The following PTPRM variants were observed in gnomAD, a reference collection of about 807,000 sequenced individuals.
PTPRM encodes receptor-type tyrosine-protein phosphatase mu.
PTPRM carries 47 observed loss-of-function variants against 186.7 expected under a neutral mutation model. The observed-to-expected ratio is 0.25, with a 90% confidence interval of 0.20 to 0.32. The LOEUF is 0.32. Among genes scored for constraint, PTPRM ranks in the 10% least tolerant of loss-of-function variants. The probability of loss-of-function intolerance (pLI) is 1.00; values close to 1 mark genes in which losing one functional copy is unlikely to be tolerated. For synonymous variants in PTPRM, 668 were observed against 674.9 expected (o/e 0.99, Z 0.16); for missense variants, 1,494 against 1,865.0 (o/e 0.80, Z 3.66).
At chr18:7,993,645 A>T (rs1393597558) in intron 7 of PTPRM, among the ~76,000 whole-genome samples, 1 of 152,132 alleles carries the variant, frequency 6.6e-6, no homozygotes, top group Non-Finnish European at 1.5e-5. Flanking sequence ...TTCAGAACGT[A>T]AGGAGATATA....
intron 5 of PTPRM, among the ~76,000 whole-genome samples, chr18:7,935,397 C>T (rs1186115552): frequency 6.6e-6 from 1 of 151,346 alleles, no homozygotes; most frequent in Non-Finnish European, 1.5e-5. Context: ...TATGTTTTAA[C>T]TTAATATGAT....
At chr18:7,976,620 A>G (rs1239974054) in intron 7 of PTPRM, among the ~76,000 whole-genome samples, 1 of 152,186 alleles carries the variant, frequency 6.6e-6, no homozygotes, top group African/African-American at 2.4e-5. Context: ...TTATGAAAAA[A>G]AAAGAGCCTC....
intron 2 of PTPRM, among the ~76,000 whole-genome samples, chr18:7,880,138 G>A (rs1325189118): frequency 6.6e-6 from 1 of 152,098 alleles, no homozygotes; most frequent in Admixed American, 6.5e-5. Context: ...AACTCCCACT[G>A]GGACCCTCCC....
At chr18:8,331,794 G>A (rs2095413493) in intron 22 of PTPRM, among the ~76,000 whole-genome samples, 2 of 152,178 alleles carry the variant, frequency 1.3e-5, no homozygotes, top group South Asian at 2.1e-4. Context: ...CTGTTAAACT[G>A]TAGACAAACA....
intron 1 of PTPRM, among the ~76,000 whole-genome samples, chr18:7,609,219 G>T (rs1209098417): frequency 6.6e-6 from 1 of 152,112 alleles, no homozygotes; most frequent in Admixed American, 6.5e-5. Flanking sequence ...CTGAGATTTG[G>T]GTCTTCTCAC....
intron 14 of PTPRM, among the ~76,000 whole-genome samples, chr18:8,198,159 G>T (rs1174090265): frequency 6.6e-6 from 1 of 152,056 alleles, no homozygotes; most frequent in Admixed American, 6.5e-5. Flanking sequence ...CCTTTTCTTT[G>T]TTGTTAGACA....
intron 1 of PTPRM, among the ~76,000 whole-genome samples, chr18:7,577,638 AG>A: frequency 6.6e-6 from 1 of 152,348 alleles, no homozygotes; most frequent in Non-Finnish European, 1.5e-5. Context: ...CTTAATAAAA[AG>A]AGGCTACTTT....
At chr18:7,681,295 T>C (rs73939336) in intron 1 of PTPRM, among the ~76,000 whole-genome samples, 3,003 of 152,286 alleles carry the variant, frequency 0.02, 95 homozygotes, top group African/African-American at 0.068. Flanking sequence ...GAGAAGGTAC[T>C]GATGTTATCC....
intron 1 of PTPRM, among the ~76,000 whole-genome samples, chr18:7,587,095 A>G (rs762806026): frequency 2.6e-5 from 4 of 152,154 alleles, no homozygotes; most frequent in Non-Finnish European, 5.9e-5. Flanking sequence ...TTTTAATTCT[A>G]TATTTAATTT....
chr18:8,355,608 A>G (rs1045721032), intron 23 of PTPRM, among the ~76,000 whole-genome samples: 3 of 152,314 alleles, frequency 2.0e-5, no homozygotes. Flanking sequence ...GACAGAGTGG[A>G]TCATCCAAAG....
chr18:8,379,131 C>G, intron 27 of PTPRM, 36 bp from the exon 28 acceptor site: 1 of 1,532,612 alleles, frequency 6.5e-7, no homozygotes, highest in Non-Finnish European at 8.8e-7. Flanking sequence ...GCTGCCAAGG[C>G]TTCTTGTCCT....
At chr18:8,197,193 A>G (rs567969166) in intron 14 of PTPRM, among the ~76,000 whole-genome samples, 8 of 152,188 alleles carry the variant, frequency 5.3e-5, no homozygotes, top group East Asian at 3.8e-4. Flanking sequence ...CGTTAGGCCA[A>G]TGTTCTATGT....
chr18:7,952,652 C>T (rs1309479450), intron 6 of PTPRM, among the ~76,000 whole-genome samples: 2 of 145,490 alleles, frequency 1.4e-5, no homozygotes, highest in Admixed American at 1.4e-4. Flanking sequence ...GCCAAGATGG[C>T]GACACTGCAC....
At chr18:8,262,702 T>G (rs2094646689) in intron 19 of PTPRM, among the ~76,000 whole-genome samples, 1 of 152,208 alleles carries the variant, frequency 6.6e-6, no homozygotes, top group East Asian at 1.9e-4. Context: ...GTAGGCAATA[T>G]ATTAACTGAT....
chr18:8,322,048 A>C (rs953360431), intron 22 of PTPRM, among the ~76,000 whole-genome samples: 2 of 152,188 alleles, frequency 1.3e-5, no homozygotes, highest in Non-Finnish European at 2.9e-5. Flanking sequence ...GAAGACCAAC[A>C]GGCAGATGCA....
At chr18:7,806,751 C>T (rs868228339) in intron 2 of PTPRM, among the ~76,000 whole-genome samples, 22 of 152,016 alleles carry the variant, frequency 1.4e-4, no homozygotes, top group African/African-American at 4.8e-4. Context: ...ATTTTAGTTG[C>T]CTTTGTAATG....
At chr18:7,894,236 C>A (rs1360348855) in intron 3 of PTPRM, among the ~76,000 whole-genome samples, 1 of 152,120 alleles carries the variant, frequency 6.6e-6, no homozygotes, top group African/African-American at 2.4e-5. Flanking sequence ...TCTGTACTGG[C>A]CTGAAAATGT....
intron 7 of PTPRM, among the ~76,000 whole-genome samples, chr18:7,974,464 C>T (rs900379034): frequency 3.9e-5 from 6 of 152,162 alleles, no homozygotes; most frequent in Admixed American, 6.5e-5. Context: ...CAGACAGGAG[C>T]ATCACAAATA....
At chr18:8,289,551 CATATATATACACAT>C (rs2095010731) in intron 19 of PTPRM, among the ~76,000 whole-genome samples, 23 of 77,696 alleles carry the variant, frequency 3.0e-4, no homozygotes, top group South Asian at 1.4e-3. Context: ...TATATATATA[CATATATATACACAT>C]ATATATATAT....
Sources: allele counts gnomAD v4.1 joint callset (sites outside exome capture counted in the v4.1 genomes callset), GRCh38; gene constraint gnomAD v4.1.1; transcripts MANE v1.5; gene names NCBI Gene and HGNC (gene_info 2026-07-23, HGNC 2026-07-21).